The following CUX1 variants were observed in gnomAD, a reference collection of about 807,000 sequenced individuals.
CUX1 encodes cut like homeobox 1.
A neutral mutation model predicts 158.8 loss-of-function variants in CUX1; 31 were observed. The observed-to-expected ratio is 0.20, with a 90% CI of 0.15 to 0.26. The LOEUF (loss-of-function observed/expected upper bound fraction) is 0.26. Ranked by LOEUF, CUX1 falls within the 10% of genes least tolerant of loss-of-function variation. CUX1 has a pLI of 1.00. For synonymous variants in CUX1, 879 were observed against 862.1 expected (o/e 1.02, Z -0.34); for missense variants, 1,589 against 2,014.6 (o/e 0.79, Z 4.04).
At chr7:102,205,884 C>T (rs1795897763) in intron 20 of CUX1, among the ~76,000 whole-genome samples, 1 of 152,178 alleles carries the variant, frequency 6.6e-6, no homozygotes, top group Admixed American at 6.5e-5. Flanking sequence ...CGTCTGCGCC[C>T]CCCCGCCTCC....
chr7:102,209,476 CT>C (rs3216520), intron 20 of CUX1, among the ~76,000 whole-genome samples: 94,581 of 151,876 alleles, frequency 0.62, 29,701 homozygotes, highest in East Asian at 0.87. Flanking sequence ...TCATGAGTAA[CT>C]TTTTTTTTAA....
Position 101,916,150 on chromosome 7 carries a change from C to A in CUX1, c.66C>A (p.Asn22Lys). ...ELDATATVLA[N>K]RQDESEQSRK... The stretch of plus-strand genomic sequence containing the variant: ...ATGCCACCGCAACGGTATTGGCGAA[C>A]CGGCAGGATGAAAGTGAGCAGTCCA... Residue 22 changes from asparagine (N) to lysine (K), a missense_variant, in exon 2 of 24, where the codon AAC becomes AAA. Around this residue, in one of 8 missense-constraint regions of CUX1, gnomAD observed 63 missense variants for 109.2 expected, o/e 0.58. Transcript: ENST00000292535. The surrounding 1 kb of genome is among the most constrained non-coding windows in gnomAD (Gnocchi z 4.4). 6.2e-7 allele frequency: 1 copy of A among 1,613,972 alleles called. No homozygotes were observed.
chr7:101,859,904 T>G (rs1797253399), intron 1 of CUX1, among the ~76,000 whole-genome samples: 1 of 151,932 alleles, frequency 6.6e-6, no homozygotes, highest in Non-Finnish European at 1.5e-5. Context: ...TTTTCTTGGC[T>G]TATTTCCTTC....
At position 101,853,218 on chromosome 7, in the gene CUX1, C is replaced by G. The variant is rs558466195; in HGVS notation, c.30+35549C>G. On this transcript the variant is annotated intron_variant, in intron 1 of 23. Coordinates refer to ENST00000292535, the MANE Select transcript of CUX1 (RefSeq NM_181552.4). ...CATCCTAAGTAGTGTATTTATTATG[C>G]TCTTGCCTAAAATAATGTATTTTCT... 5.9e-5 allele frequency among the ~76,000 whole-genome samples: 9 copies of G among 152,226 alleles called. No individual in the cohort carries two copies. In the South Asian group the frequency reaches 1.9e-3, roughly 32 times the overall value.
intron 14 of CUX1, among the ~76,000 whole-genome samples, chr7:102,269,990 C>A (rs1357193026): frequency 2.0e-5 from 3 of 152,240 alleles, no homozygotes; most frequent in Non-Finnish European, 2.9e-5. Flanking sequence ...CCCCTTCCCC[C>A]ACAGGGGGCC....
At chr7:102,026,694 C>T (rs146209983) in intron 2 of CUX1, among the ~76,000 whole-genome samples, 5,276 of 151,926 alleles carry the variant, frequency 0.035, 340 homozygotes, top group African/African-American at 0.12. Flanking sequence ...GTGGTGGGCA[C>T]CTGTAGTCCC....
At chr7:102,181,944 G>T (rs1793131608) in intron 11 of CUX1, among the ~76,000 whole-genome samples, 1 of 152,346 alleles carries the variant, frequency 6.6e-6, no homozygotes, top group South Asian at 2.1e-4. Context: ...TTGGCAACCT[G>T]ATGCTTTTGC....
chr7:102,155,527 G>C (rs1163668358), intron 8 of CUX1, among the ~76,000 whole-genome samples: 2 of 151,770 alleles, frequency 1.3e-5, no homozygotes, highest in East Asian at 1.9e-4. Flanking sequence ...GCCTGGGTGA[G>C]AGTGAGACCC....
chr7:102,172,740 T>C (rs1269062068), intron 10 of CUX1, among the ~76,000 whole-genome samples: 2 of 152,182 alleles, frequency 1.3e-5, no homozygotes, highest in East Asian at 3.8e-4. Context: ...GAAAAGATTT[T>C]AGCCTTCTTT....
intron 1 of CUX1, among the ~76,000 whole-genome samples, chr7:101,861,150 C>T (rs193247558): frequency 9.9e-5 from 15 of 152,252 alleles, no homozygotes; most frequent in South Asian, 4.1e-4. Context: ...TGCTTTAGAA[C>T]GGATCTCAGC....
At chr7:101,856,095 G>A (rs762851910) in intron 1 of CUX1, among the ~76,000 whole-genome samples, 32 of 146,886 alleles carry the variant, frequency 2.2e-4, no homozygotes, top group African/African-American at 7.7e-4. Context: ...CTGAAGGATC[G>A]CTTGAGTCCA....
At chr7:102,212,870 G>A (rs1796691575) in intron 20 of CUX1, among the ~76,000 whole-genome samples, 1 of 152,162 alleles carries the variant, frequency 6.6e-6, no homozygotes, top group Non-Finnish European at 1.5e-5. Context: ...GTGTGAGAGG[G>A]AGTCTCGCTC....
chr7:102,010,234 AT>A (rs1698373694), intron 2 of CUX1, among the ~76,000 whole-genome samples: 2 of 151,908 alleles, frequency 1.3e-5, no homozygotes, highest in Non-Finnish European at 2.9e-5. Flanking sequence ...TCTCTACTAA[AT>A]AATACAAAAA....
At chr7:102,170,628 T>C in intron 10 of CUX1, 78 bp downstream of exon 10, 1 of 973,960 alleles carries the variant, frequency 1.0e-6, no homozygotes, top group Admixed American at 2.5e-5. Context: ...TGCTCCTTTT[T>C]GTTTTCAGCA....
upstream of CUX1, chr7:101,817,388 C>G: frequency 1.0e-6 from 1 of 984,668 alleles, no homozygotes; most frequent in Non-Finnish European, 1.2e-6. The surrounding 1 kb of genome is among the most constrained non-coding windows in gnomAD (Gnocchi z 4.1). Context: ...GGGCCGGGTT[C>G]TCGAAAGCAG....
chr7:102,000,355 CA>C (rs946139649), intron 2 of CUX1, among the ~76,000 whole-genome samples: 17 of 152,334 alleles, frequency 1.1e-4, no homozygotes, highest in South Asian at 2.1e-4. Context: ...ATGCCTCTCA[CA>C]GGCAACTTGT....
intron 2 of CUX1, among the ~76,000 whole-genome samples, chr7:101,979,901 G>A (rs1032200593): frequency 4.6e-5 from 7 of 152,208 alleles, no homozygotes; most frequent in East Asian, 1.9e-4. Flanking sequence ...TGATCCACCC[G>A]CCTTGGCCTC....
chr7:102,168,260 C>T (rs1467656668), intron 9 of CUX1, among the ~76,000 whole-genome samples: 1 of 152,174 alleles, frequency 6.6e-6, no homozygotes, highest in Non-Finnish European at 1.5e-5. Context: ...CCAGGCACCA[C>T]ATGAATTCAA....
rs1037359487 is a variant in CUX1 at position 102,254,900 on chromosome 7, G to A, written c.*5858G>A. 31 of 985,334 alleles carry A rather than the reference G, an allele frequency of 3.1e-5. No individual in the cohort carries two copies. In the Admixed American group the frequency reaches 8.6e-4, roughly 27 times the overall value. 61.0% of individuals were successfully genotyped at this position (985,334 alleles called of 1,614,324 possible). A position where few individuals can be genotyped will look rare whatever the true frequency, so the allele number is the denominator to read the frequency against. On this transcript the variant is annotated 3_prime_UTR_variant, in exon 24 of 24. Transcript: ENST00000292535. ...GATCAGGTTTTGACTTTTTGTAGAT[G>A]AAAACTACCAGGGAAAAGGGGAAGC... is the stretch of plus-strand genomic sequence containing the variant.
Sources: allele counts gnomAD v4.1 joint callset (sites outside exome capture counted in the v4.1 genomes callset), GRCh38; gene constraint gnomAD v4.1.1; regional missense constraint gnomAD v4.1.1; non-coding constraint Gnocchi (gnomAD v3.1); transcripts MANE v1.5; gene names NCBI Gene and HGNC (gene_info 2026-07-23, HGNC 2026-07-21).